Variants in CFAP91 observed in about 807,000 individuals in gnomAD.
CFAP91 encodes the protein cilia- and flagella-associated protein 91.
In CFAP91, 85 loss-of-function variants were observed where a neutral mutation model predicts 95.9. The ratio of observed to expected loss-of-function variants is 0.89; its 90% CI spans 0.74 to 1.06. The LOEUF (loss-of-function observed/expected upper bound fraction) is 1.06. Ranked by LOEUF, CFAP91 falls within the 50% of genes least tolerant of loss-of-function variation. CFAP91 has a pLI of 0.00. For missense variants in CFAP91, 962 were observed against 943.4 expected (o/e 1.02, Z -0.26); for synonymous variants, 335 against 327.5 (o/e 1.02, Z -0.25).
chr3:119,722,344 A>T (rs1302939475), intron 6 of CFAP91, among the ~76,000 whole-genome samples: 1 of 152,168 alleles, frequency 6.6e-6, no homozygotes, highest in Non-Finnish European at 1.5e-5. Context: ...CTGTAGTCCC[A>T]GCTACTCGGG....
rs959363816 is a variant in CFAP91 at position 119,766,934 on chromosome 3, A to G, written c.*1884A>G. On this transcript the variant is annotated 3_prime_UTR_variant, in exon 18 of 18. Transcript: ENST00000273390. ...ACAGTCAAGGAAAATACAAGTTGTT[A>G]TACAATTCTCATTGACTAATTGAAG... 1.3e-5 allele frequency: 2 copies of G among 152,242 alleles called. No homozygotes were observed. The highest frequency in any genetic ancestry group is 4.8e-5 in the African/African-American group (2 of 41,470). 9.4% of individuals were successfully genotyped at this position (152,242 alleles called of 1,614,324 possible). A position where few individuals can be genotyped will look rare whatever the true frequency, so the allele number is the denominator to read the frequency against.
intron 17 of CFAP91, among the ~76,000 whole-genome samples, chr3:119,764,215 T>G (rs2054589968): frequency 6.6e-6 from 1 of 152,214 alleles, no homozygotes; most frequent in African/African-American, 2.4e-5. Flanking sequence ...TGTCTACATA[T>G]CAACTTTTCC....
At chr3:119,752,296 T>C (rs547923669) in intron 17 of CFAP91, 2 of 152,316 alleles carry the variant, frequency 1.3e-5, no homozygotes, top group East Asian at 3.9e-4. Flanking sequence ...ATTTCTCTAC[T>C]TCAGTCCTTG....
At position 119,744,101 on chromosome 3, in the gene CFAP91, G is replaced by A; in HGVS notation, c.1807G>A (p.Ala603Thr). 1 of 1,614,208 alleles carries A rather than the reference G, an allele frequency of 6.2e-7. No homozygotes were observed. The highest frequency in any genetic ancestry group is 8.5e-7 in the Non-Finnish European group (1 of 1,180,016). Residue 603 changes from alanine to threonine, a missense_variant, in exon 14 of 18, where the codon GCT becomes ACT. Coordinates refer to ENST00000273390, the MANE Select transcript of CFAP91 (RefSeq NM_033364.4). ...GAGGATCCATGCCTTTGTCATGCTG[G>A]CTGAGCGCCAGCGGCGGGTACGAGA... The part of the protein sequence containing the change: ...ERRIHAFVML[A>T]ERQRRVREAE...
At chr3:119,722,598 C>T (rs1048448763) in intron 6 of CFAP91, among the ~76,000 whole-genome samples, 9 of 152,108 alleles carry the variant, frequency 5.9e-5, no homozygotes, top group East Asian at 1.9e-4. Context: ...AAGTGATCCT[C>T]TCACCCCATC....
At chr3:119,712,677 G>A (rs943635060) in intron 5 of CFAP91, among the ~76,000 whole-genome samples, 4 of 152,132 alleles carry the variant, frequency 2.6e-5, no homozygotes, top group Non-Finnish European at 4.4e-5. Flanking sequence ...ACTAAAGCCC[G>A]TGTGCGGTGG....
At chr3:119,755,536 A>G (rs920499019) in intron 17 of CFAP91, among the ~76,000 whole-genome samples, 1 of 152,048 alleles carries the variant, frequency 6.6e-6, no homozygotes, top group Non-Finnish European at 1.5e-5. Flanking sequence ...CTCCATCTTC[A>G]ATGTGAAGAC....
chr3:119,707,054 A>C (rs527479762), intron 2 of CFAP91, 169 bp downstream of exon 2: 1 of 596,132 alleles, frequency 1.7e-6, no homozygotes, highest in African/African-American at 1.9e-5. Context: ...CGTGTGGCTC[A>C]TTGTGAGGAT....
chr3:119,746,945 T>C (rs1375483136), intron 14 of CFAP91, among the ~76,000 whole-genome samples, 170 bp from the exon 15 acceptor site: 1 of 152,154 alleles, frequency 6.6e-6, no homozygotes, highest in Non-Finnish European at 1.5e-5. Context: ...GGTAGGTGGA[T>C]GAGAAACAGA....
At chr3:119,745,201 C>T (rs1156823346) in intron 14 of CFAP91, among the ~76,000 whole-genome samples, 1 of 152,184 alleles carries the variant, frequency 6.6e-6, no homozygotes, top group Non-Finnish European at 1.5e-5. Flanking sequence ...AATTCTCAAC[C>T]TTCCTAATTA....
chr3:119,736,372 C>T (rs1265347246), intron 10 of CFAP91, among the ~76,000 whole-genome samples: 2 of 143,102 alleles, frequency 1.4e-5, no homozygotes, highest in South Asian at 2.4e-4. Flanking sequence ...CCCAGGTTGA[C>T]GCCATTCTCC....
intron 7 of CFAP91, among the ~76,000 whole-genome samples, chr3:119,727,904 G>C (rs2053815023): frequency 6.6e-6 from 1 of 152,100 alleles, no homozygotes; most frequent in Admixed American, 6.6e-5. Flanking sequence ...CAATACTTGA[G>C]AAGTGTTGGT....
At position 119,707,475 on chromosome 3, in the gene CFAP91, C is replaced by A; in HGVS notation, c.273C>A (p.Ser91Arg). ...ATCCAAGATATTCTCTATATTGGAGCAAGTCAGATCCTGTCCCACCATTTA... is the reference window on the plus strand; with the variant it reads ...ATCCAAGATATTCTCTATATTGGAGAAAGTCAGATCCTGTCCCACCATTTA... ...IHYPRYSLYWSKSDPVPPFIS... is the reference protein window; with the variant it reads ...IHYPRYSLYWRKSDPVPPFIS... Residue 91 changes from serine (S) to arginine (R), a missense_variant, in exon 3 of 18, where the codon AGC (serine) becomes AGA (arginine). Physicochemically the swap from Ser to Arg is moderately radical, Grantham distance 110. Transcript: ENST00000273390. 1 of 1,597,250 alleles carries A rather than the reference C, an allele frequency of 6.3e-7. No individual in the cohort carries two copies.
chr3:119,712,056 CA>C (rs2053481830), intron 5 of CFAP91, among the ~76,000 whole-genome samples: 1 of 152,178 alleles, frequency 6.6e-6, no homozygotes, highest in Admixed American at 6.5e-5. Flanking sequence ...AAAGCCAGAG[CA>C]GGTGAGCCTG....
chr3:119,756,288 A>G (rs1246141345), intron 17 of CFAP91, among the ~76,000 whole-genome samples: 1 of 152,182 alleles, frequency 6.6e-6, no homozygotes, highest in Non-Finnish European at 1.5e-5. Flanking sequence ...AGATGGAATG[A>G]TATGTTCAAT....
chr3:119,752,997 A>G (rs532682272), intron 17 of CFAP91, among the ~76,000 whole-genome samples: 1 of 152,162 alleles, frequency 6.6e-6, no homozygotes, highest in African/African-American at 2.4e-5. Context: ...AGATTATTCA[A>G]TGATGTCTAG....
intron 7 of CFAP91, among the ~76,000 whole-genome samples, chr3:119,727,567 G>A (rs2053806031): frequency 6.6e-6 from 1 of 152,140 alleles, no homozygotes; most frequent in Non-Finnish European, 1.5e-5. Flanking sequence ...TGGGAAAATA[G>A]GGATGAATAG....
In CFAP91 at chr3:119,747,908, C is replaced by A; in HGVS notation, c.2143+6C>A. On this transcript the variant is annotated splice_donor_region_variant and intron_variant, in intron 16 of 17. Transcript: ENST00000273390. ...ATACTTTGTCAAAGAAAAAGGTAAG[C>A]CAATGTAAATGCTTTACTTTAGGAT... is the stretch of plus-strand genomic sequence containing the variant. 6.2e-7 allele frequency: 1 copy of A among 1,601,014 alleles called. No individual in the cohort carries two copies. Among genetic ancestry groups the A allele is most frequent in the South Asian group, 1.1e-5 (1 of 90,218 alleles).
intron 14 of CFAP91, among the ~76,000 whole-genome samples, chr3:119,746,446 A>G (rs2054220020): frequency 6.6e-6 from 1 of 152,194 alleles, no homozygotes; most frequent in South Asian, 2.1e-4. Flanking sequence ...TTCATTAGAG[A>G]CCCAGGATCC....
Sources: allele counts gnomAD v4.1 joint callset (sites outside exome capture counted in the v4.1 genomes callset), GRCh38; gene constraint gnomAD v4.1.1; transcripts MANE v1.5; gene names NCBI Gene and HGNC (gene_info 2026-07-23, HGNC 2026-07-21).